The following RORA variants were observed in gnomAD, a reference collection of about 807,000 sequenced individuals.
The protein encoded by RORA is RAR related orphan receptor A.
In RORA, 7 loss-of-function variants were observed where a neutral mutation model predicts 69.5. The observed-to-expected ratio is 0.10, with a 90% CI of 0.06 to 0.19. The LOEUF is 0.19. RORA is among the 10% of genes least tolerant of loss of function. The pLI is 1.00. For synonymous variants in RORA, 261 were observed against 240.8 expected (o/e 1.08, Z -0.78); for missense variants, 457 against 663.0 (o/e 0.69, Z 3.41).
intron 1 of RORA, among the ~76,000 whole-genome samples, chr15:60,934,234 T>C (rs920254800): frequency 6.6e-6 from 1 of 152,244 alleles, no homozygotes; most frequent in African/African-American, 2.4e-5. Context: ...TCCCAAAGCT[T>C]GGCACCTGCC....
At position 60,511,186 on chromosome 15, in the gene RORA, C is replaced by T. The variant is rs1237230053; in HGVS notation, c.820+40G>A. 4 of 1,576,450 alleles carry T rather than the reference C, an allele frequency of 2.5e-6. No homozygotes were observed. The highest frequency in any genetic ancestry group is 1.7e-5 in the Admixed American group (1 of 57,332). ...GACATACCCCTTTTACTTCAAAGGG[C>T]ATGAATAGAGCATCCCAGGAGAAGC... is the stretch of plus-strand genomic sequence containing the variant. On this transcript the variant is annotated intron_variant, in intron 5 of 10. Coordinates refer to ENST00000335670, the MANE Select transcript of RORA (RefSeq NM_134261.3). This position sits in a 1 kb window ranked among gnomAD's most constrained non-coding sequence, Gnocchi z 6.4.
intron 1 of RORA, among the ~76,000 whole-genome samples, chr15:61,093,599 G>T (rs558487651): frequency 1.3e-5 from 2 of 152,368 alleles, no homozygotes; most frequent in African/African-American, 4.8e-5. Flanking sequence ...AGTAACTAAA[G>T]ATGATGGGTC....
At chr15:60,716,391 G>C (rs2071219385) in intron 1 of RORA, among the ~76,000 whole-genome samples, 1 of 152,166 alleles carries the variant, frequency 6.6e-6, no homozygotes, top group African/African-American at 2.4e-5. Context: ...ACCTAAAGGA[G>C]ACAGCCTGTT....
chr15:60,961,135 C>A (rs1374176450), intron 1 of RORA, among the ~76,000 whole-genome samples: 2 of 152,210 alleles, frequency 1.3e-5, no homozygotes, highest in African/African-American at 2.4e-5. Flanking sequence ...TGGCCTCTCA[C>A]CTGGCCGTTC....
At chr15:60,754,062 A>G (rs2071763179) in intron 1 of RORA, among the ~76,000 whole-genome samples, 1 of 152,206 alleles carries the variant, frequency 6.6e-6, no homozygotes, top group Non-Finnish European at 1.5e-5. Context: ...CTGAATAAGG[A>G]TGATGTTTTC....
chr15:60,636,295 G>A (rs915742972), intron 2 of RORA, among the ~76,000 whole-genome samples: 1 of 152,174 alleles, frequency 6.6e-6, no homozygotes, highest in Admixed American at 6.5e-5. Flanking sequence ...GGGATGTGAT[G>A]CTTACATTCC....
intron 1 of RORA, among the ~76,000 whole-genome samples, chr15:60,689,959 T>C (rs921769231): frequency 1.3e-5 from 2 of 152,170 alleles, no homozygotes; most frequent in Non-Finnish European, 2.9e-5. Flanking sequence ...CCACCATCCT[T>C]TAGCTACCAC....
chr15:60,904,047 G>C (rs1233494358), intron 1 of RORA, among the ~76,000 whole-genome samples: 2 of 152,106 alleles, frequency 1.3e-5, no homozygotes, highest in Non-Finnish European at 2.9e-5. Flanking sequence ...AACAGCATTT[G>C]TTTTGCCCTT....
chr15:60,776,981 G>A (rs1444393593), intron 1 of RORA, among the ~76,000 whole-genome samples: 1 of 152,094 alleles, frequency 6.6e-6, no homozygotes, highest in Non-Finnish European at 1.5e-5. Context: ...CAAGACATGA[G>A]TATTTGTCTG....
intron 1 of RORA, among the ~76,000 whole-genome samples, chr15:60,729,206 C>T (rs1473704715): frequency 6.6e-6 from 1 of 152,150 alleles, no homozygotes. Context: ...TTCTGAGTTC[C>T]TCCCACCTCT....
intron 1 of RORA, among the ~76,000 whole-genome samples, chr15:60,844,128 C>A (rs77045588): frequency 0.01 from 1,578 of 152,234 alleles, 17 homozygotes; most frequent in Non-Finnish European, 0.017. Flanking sequence ...TCTCCTAGTC[C>A]CCTCACTTGT....
chr15:61,023,427 G>A (rs1231675175), intron 1 of RORA, among the ~76,000 whole-genome samples: 1 of 152,128 alleles, frequency 6.6e-6, no homozygotes, highest in Admixed American at 6.5e-5. Flanking sequence ...CAGATCTCAT[G>A]AGACTTATTC....
chr15:60,963,280 T>C (rs145763338), intron 1 of RORA, among the ~76,000 whole-genome samples: 1,566 of 152,264 alleles, frequency 0.01, 36 homozygotes, highest in African/African-American at 0.036. Context: ...GCATAGAAGT[T>C]AGAATGTGCA....
intron 1 of RORA, among the ~76,000 whole-genome samples, chr15:60,914,965 G>A (rs1891830531): frequency 6.6e-6 from 1 of 152,058 alleles, no homozygotes; most frequent in African/African-American, 2.4e-5. Flanking sequence ...CTTTCATTTC[G>A]GTACTCACAA....
intron 1 of RORA, among the ~76,000 whole-genome samples, chr15:61,120,403 T>A (rs916609365): frequency 1.3e-5 from 2 of 151,900 alleles, no homozygotes; most frequent in East Asian, 1.9e-4. Context: ...GGAGGAATTT[T>A]AAAAAAACAT....
chr15:60,628,212 T>C (rs1391962630), intron 2 of RORA, among the ~76,000 whole-genome samples: 1 of 152,220 alleles, frequency 6.6e-6, no homozygotes, highest in South Asian at 2.1e-4. Context: ...GTCATGTCTC[T>C]TTTGCCTCCT....
At chr15:60,662,192 T>G (rs2070313439) in intron 2 of RORA, among the ~76,000 whole-genome samples, 1 of 152,244 alleles carries the variant, frequency 6.6e-6, no homozygotes, top group African/African-American at 2.4e-5. Flanking sequence ...TATTAGCTTA[T>G]GATGGTTCCC....
At chr15:61,112,895 GC>G (rs1566994754) in intron 1 of RORA, among the ~76,000 whole-genome samples, 1 of 152,216 alleles carries the variant, frequency 6.6e-6, no homozygotes, top group African/African-American at 2.4e-5. Flanking sequence ...CGAGGATGTT[GC>G]CTTACTGGGC....
At chr15:61,098,967 G>A (rs1379752876) in intron 1 of RORA, among the ~76,000 whole-genome samples, 9 of 152,276 alleles carry the variant, frequency 5.9e-5, no homozygotes, top group Non-Finnish European at 1.0e-4. Flanking sequence ...TGCAGGCAAC[G>A]TACGCTTCAG....
Sources: gnomAD v4.1 joint callset for allele counts (sites outside exome capture counted in the v4.1 genomes callset) on GRCh38, gnomAD v4.1.1 for gene constraint, Gnocchi (gnomAD v3.1) non-coding constraint, MANE v1.5 for transcripts, NCBI Gene and HGNC (gene_info 2026-07-23, HGNC 2026-07-21) for gene names.